Variants in AGBL4 observed in about 807,000 individuals in gnomAD.
The protein encoded by AGBL4 is AGBL carboxypeptidase 4, also known as cytosolic carboxypeptidase 6.
Under a neutral mutation model 66.4 loss-of-function variants are expected in AGBL4, and 58 were observed. The ratio of observed to expected loss-of-function variants is 0.87; its 90% confidence interval spans 0.71 to 1.09. The LOEUF (loss-of-function observed/expected upper bound fraction) is 1.09, where lower values mean the gene tolerates loss of function less well. AGBL4 is among the 50% of genes least tolerant of loss of function. The pLI is 0.00. For missense variants in AGBL4, 579 were observed against 631.0 expected (o/e 0.92, Z 0.88); for synonymous variants, 234 against 222.9 (o/e 1.05, Z -0.44).
chr1:48,566,791 C>G (rs776729283), intron 11 of AGBL4, among the ~76,000 whole-genome samples: 1 of 152,192 alleles, frequency 6.6e-6, no homozygotes, highest in Non-Finnish European at 1.5e-5. Flanking sequence ...AACATTGGCT[C>G]TTCCCTGGTC....
Position 49,194,985 on chromosome 1 carries a change from T to C in AGBL4, c.377+50785A>G, listed in dbSNP as rs147747504. 6.6e-5 allele frequency among the ~76,000 whole-genome samples: 10 copies of C among 152,166 alleles called. No homozygotes were observed. In the South Asian group the frequency reaches 8.3e-4, roughly 13 times the overall value. ...TGGAGTAGCTGGTACTACAGGCATATACCACCATAACTGGCTAATTGTTTA... is the reference window on the plus strand; with the variant it reads ...TGGAGTAGCTGGTACTACAGGCATACACCACCATAACTGGCTAATTGTTTA... On this transcript the variant is annotated intron_variant, in intron 4 of 13. Coordinates refer to ENST00000371839, the MANE Select transcript of AGBL4 (RefSeq NM_032785.4).
At chr1:49,137,653 A>T (rs778808765) in intron 4 of AGBL4, among the ~76,000 whole-genome samples, 2 of 152,146 alleles carry the variant, frequency 1.3e-5, no homozygotes, top group Non-Finnish European at 2.9e-5. Context: ...TAGGCTACCG[A>T]GTAGTCAAAT....
intron 2 of AGBL4, among the ~76,000 whole-genome samples, chr1:49,808,689 T>C (rs1381174817): frequency 1.3e-5 from 2 of 152,218 alleles, no homozygotes; most frequent in Middle Eastern, 3.4e-3. Flanking sequence ...TTATAAATAT[T>C]AGGAGAAAAA....
At chr1:49,683,408 AC>A (rs1192759548) in intron 3 of AGBL4, among the ~76,000 whole-genome samples, 1 of 152,222 alleles carries the variant, frequency 6.6e-6, no homozygotes, top group Admixed American at 6.5e-5. Flanking sequence ...ATAGTAGCTA[AC>A]AGCCACAGGC....
intron 3 of AGBL4, among the ~76,000 whole-genome samples, chr1:49,403,580 A>T (rs977832672): frequency 6.6e-6 from 1 of 152,042 alleles, no homozygotes; most frequent in African/African-American, 2.4e-5. Context: ...TTTCTCCAGG[A>T]TTTGTCCACA....
intron 3 of AGBL4, among the ~76,000 whole-genome samples, chr1:49,312,780 C>G (rs1051189479): frequency 2.0e-4 from 30 of 152,080 alleles, no homozygotes. Flanking sequence ...TGAAATACAA[C>G]TACACATATA....
At chr1:48,947,159 C>A (rs1265627927) in intron 5 of AGBL4, among the ~76,000 whole-genome samples, 1 of 152,238 alleles carries the variant, frequency 6.6e-6, no homozygotes, top group Admixed American at 6.5e-5. Context: ...TCAAAAGTCA[C>A]TTTGTCAGAA....
chr1:49,785,603 T>G (rs998836258), intron 2 of AGBL4, among the ~76,000 whole-genome samples: 11 of 151,990 alleles, frequency 7.2e-5, no homozygotes, highest in African/African-American at 2.7e-4. Context: ...ACAATGATGT[T>G]CTGAAAACAT....
chr1:48,861,310 A>G (rs537917357), intron 6 of AGBL4, among the ~76,000 whole-genome samples: 79 of 152,322 alleles, frequency 5.2e-4, no homozygotes, highest in Admixed American at 1.1e-3. Flanking sequence ...TGTTGAAGAG[A>G]GTCAAAGGAA....
chr1:49,281,724 TGAA>T (rs1174002162), intron 3 of AGBL4, among the ~76,000 whole-genome samples: 1 of 152,182 alleles, frequency 6.6e-6, no homozygotes, highest in African/African-American at 2.4e-5. Flanking sequence ...TGGCCAATAA[TGAA>T]GCATCCAAAA....
At chr1:49,762,066 C>G (rs1652364713) in intron 2 of AGBL4, among the ~76,000 whole-genome samples, 1 of 152,146 alleles carries the variant, frequency 6.6e-6, no homozygotes, top group South Asian at 2.1e-4. Flanking sequence ...TTTGACATAC[C>G]AATTTCATCT....
intron 2 of AGBL4, among the ~76,000 whole-genome samples, chr1:49,738,580 G>C (rs1650110995): frequency 6.6e-6 from 1 of 152,322 alleles, no homozygotes; most frequent in South Asian, 2.1e-4. Context: ...CATGCAGCTA[G>C]AGATGTGAGA....
intron 3 of AGBL4, among the ~76,000 whole-genome samples, chr1:49,516,438 A>G (rs572098012): frequency 9.2e-5 from 14 of 152,188 alleles, no homozygotes; most frequent in African/African-American, 2.6e-4. Flanking sequence ...TCTCCCACAG[A>G]AAGAGAACAA....
intron 3 of AGBL4, among the ~76,000 whole-genome samples, chr1:49,680,664 T>C (rs1441521330): frequency 2.0e-5 from 3 of 152,126 alleles, no homozygotes; most frequent in African/African-American, 7.2e-5. Flanking sequence ...TAATTTGGTT[T>C]TTGAAATTTG....
At chr1:48,853,935 G>A (rs1255131217) in intron 6 of AGBL4, among the ~76,000 whole-genome samples, 1 of 152,154 alleles carries the variant, frequency 6.6e-6, no homozygotes, top group East Asian at 1.9e-4. Flanking sequence ...GCTAAAGTTA[G>A]ATGAGCTCTT....
At chr1:48,718,826 C>T (rs1035738754) in intron 6 of AGBL4, among the ~76,000 whole-genome samples, 4 of 152,176 alleles carry the variant, frequency 2.6e-5, no homozygotes, top group East Asian at 3.9e-4. Context: ...CAGGCTCCCA[C>T]AGGTGGAGTG....
At chr1:49,653,703 C>T (rs562797465) in intron 3 of AGBL4, among the ~76,000 whole-genome samples, 77 of 150,740 alleles carry the variant, frequency 5.1e-4, no homozygotes, top group Non-Finnish European at 6.5e-4. Flanking sequence ...CCAAATAGAC[C>T]AAGCAGAAGA....
At chr1:49,100,632 C>G (rs1346172795) in intron 4 of AGBL4, among the ~76,000 whole-genome samples, 1 of 152,122 alleles carries the variant, frequency 6.6e-6, no homozygotes, top group African/African-American at 2.4e-5. Context: ...GGCTGCATGC[C>G]TAGGCCAGAG....
chr1:49,081,641 T>G (rs1469113020), intron 4 of AGBL4, among the ~76,000 whole-genome samples: 1 of 152,212 alleles, frequency 6.6e-6, no homozygotes, highest in Non-Finnish European at 1.5e-5. Context: ...GTCCTCTGCT[T>G]CTTCCCCTAT....
Sources: gnomAD v4.1 joint callset for allele counts (sites outside exome capture counted in the v4.1 genomes callset) on GRCh38, gnomAD v4.1.1 for gene constraint, MANE v1.5 for transcripts, NCBI Gene and HGNC (gene_info 2026-07-23, HGNC 2026-07-21) for gene names.